The following DOCK4 variants were observed in gnomAD, a reference collection of about 807,000 sequenced individuals.
The protein encoded by DOCK4 is dedicator of cytokinesis protein 4.
In DOCK4, 97 loss-of-function variants were observed where a neutral mutation model predicts 268.1. The ratio of observed to expected loss-of-function variants is 0.36; its 90% CI spans 0.31 to 0.43. The LOEUF is 0.43. Among genes scored for constraint, DOCK4 ranks in the 20% least tolerant of loss-of-function variants. The pLI, the probability that DOCK4 is intolerant of heterozygous loss-of-function variation, is 1.00. For synonymous variants in DOCK4, 954 were observed against 887.2 expected, an observed-to-expected ratio of 1.08 and a Z score of -1.34; for missense variants, 2,145 against 2,455.7, an observed-to-expected ratio of 0.87 and a Z score of 2.67.
chr7:111,821,956 C>T (rs576486553), intron 27 of DOCK4, among the ~76,000 whole-genome samples: 5 of 152,248 alleles, frequency 3.3e-5, no homozygotes, highest in African/African-American at 9.6e-5. Context: ...GGAAAATACA[C>T]AGAAGAATGA....
chr7:112,164,117 T>C (rs531111018), intron 1 of DOCK4, among the ~76,000 whole-genome samples: 2 of 152,048 alleles, frequency 1.3e-5, no homozygotes, highest in African/African-American at 4.8e-5. Flanking sequence ...ACACCATCAC[T>C]ACCAAAAAAA....
chr7:111,735,510 T>C (rs1585820604), intron 50 of DOCK4, among the ~76,000 whole-genome samples: 1 of 152,250 alleles, frequency 6.6e-6, no homozygotes, highest in East Asian at 1.9e-4. Context: ...AACTTGGCTT[T>C]TAGTAGACAT....
At chr7:112,109,831 G>A (rs1350475399) in intron 1 of DOCK4, among the ~76,000 whole-genome samples, 7 of 146,120 alleles carry the variant, frequency 4.8e-5, no homozygotes, top group Admixed American at 1.4e-4. Flanking sequence ...TGCAAGCTCC[G>A]CCTCCCGGGT....
chr7:111,784,320 G>A (rs995699137), intron 32 of DOCK4, 197 bp from the exon 33 acceptor site: 13 of 716,166 alleles, frequency 1.8e-5, no homozygotes, highest in Non-Finnish European at 3.0e-5. Context: ...AGCAAAAACA[G>A]GAGTGCCTCC....
intron 1 of DOCK4, among the ~76,000 whole-genome samples, chr7:112,183,967 C>T (rs374221907): frequency 9.1e-4 from 138 of 152,262 alleles, no homozygotes; most frequent in African/African-American, 3.1e-3. Context: ...CTCCAGGATG[C>T]ACGCACCTGC....
intron 1 of DOCK4, among the ~76,000 whole-genome samples, chr7:112,031,991 C>A (rs1055872332): frequency 1.3e-5 from 2 of 152,154 alleles, no homozygotes; most frequent in African/African-American, 4.8e-5. Flanking sequence ...TAAGACTGGT[C>A]ATTATCTCCA....
At chr7:111,925,856 G>A (rs1443678297) in intron 12 of DOCK4, among the ~76,000 whole-genome samples, 3 of 152,202 alleles carry the variant, frequency 2.0e-5, no homozygotes, top group Non-Finnish European at 4.4e-5. Flanking sequence ...GGGAGGGCAA[G>A]GTGGGCAGAT....
chr7:112,034,574 T>C (rs1046476921), intron 1 of DOCK4, among the ~76,000 whole-genome samples: 4 of 152,222 alleles, frequency 2.6e-5, no homozygotes, highest in Non-Finnish European at 4.4e-5. Flanking sequence ...GAACCACGCA[T>C]GGCTGCATGG....
chr7:112,124,209 C>A (rs1050911959), intron 1 of DOCK4, among the ~76,000 whole-genome samples: 3 of 151,786 alleles, frequency 2.0e-5, no homozygotes, highest in African/African-American at 7.3e-5. Context: ...TTTGTAGAGA[C>A]GAGATCCTGT....
At chr7:111,940,535 T>C (rs149972093) in intron 10 of DOCK4, among the ~76,000 whole-genome samples, 1 of 152,340 alleles carries the variant, frequency 6.6e-6, no homozygotes, top group African/African-American at 2.4e-5. Flanking sequence ...CTGAGATTCA[T>C]GAAGGCATCC....
chr7:112,152,372 T>A (rs188375818), intron 1 of DOCK4, among the ~76,000 whole-genome samples: 7 of 152,290 alleles, frequency 4.6e-5, no homozygotes, highest in Admixed American at 3.9e-4. Context: ...AATGAAATAG[T>A]CATGGTGATG....
intron 10 of DOCK4, among the ~76,000 whole-genome samples, chr7:111,941,440 AG>A (rs1357397655): frequency 1.3e-5 from 2 of 152,170 alleles, no homozygotes; most frequent in African/African-American, 2.4e-5. Context: ...ATGAAAAAAA[AG>A]GTCTCAATTT....
At chr7:111,993,758 T>C (rs1562970078) in intron 5 of DOCK4, among the ~76,000 whole-genome samples, 1 of 152,200 alleles carries the variant, frequency 6.6e-6, no homozygotes, top group Non-Finnish European at 1.5e-5. Flanking sequence ...AAGTCTGTCA[T>C]TTACAGTATA....
At chr7:111,765,305 A>G (rs1051797619) in intron 38 of DOCK4, 83 bp from the exon 39 acceptor site, 10 of 832,178 alleles carry the variant, frequency 1.2e-5, no homozygotes, top group Non-Finnish European at 1.9e-5. Flanking sequence ...TCTTTTTTAC[A>G]TAAAGGAGAA....
chr7:111,769,795 T>C (rs1324049701), intron 36 of DOCK4, 118 bp from the exon 37 acceptor site: 4 of 1,248,352 alleles, frequency 3.2e-6, no homozygotes, highest in Admixed American at 5.2e-5. Flanking sequence ...TTTCGTGATA[T>C]AGCAGAAAAA....
At chr7:111,785,869 C>A (rs1329344359) in intron 32 of DOCK4, among the ~76,000 whole-genome samples, 2 of 152,254 alleles carry the variant, frequency 1.3e-5, no homozygotes, top group Non-Finnish European at 1.5e-5. Context: ...AAATTCCTAA[C>A]CCTGGGAAGC....
intron 27 of DOCK4, among the ~76,000 whole-genome samples, chr7:111,815,240 G>A (rs1440675607): frequency 3.3e-5 from 5 of 152,168 alleles, no homozygotes; most frequent in Non-Finnish European, 7.3e-5. Flanking sequence ...GATCTTAAAA[G>A]GACTATTCAA....
chr7:111,977,700 A>T lies in DOCK4; in HGVS notation c.550-417T>A, dbSNP rs186716866. Among the ~76,000 whole-genome samples, 495 of 152,310 alleles carry T rather than the reference A, an allele frequency of 3.2e-3. 4 individuals carry two copies. Among genetic ancestry groups the T allele is most frequent in the African/African-American group, 0.011 (468 of 41,564 alleles). ...CCAAGATGAGAACAAATTATTAGTC[A>T]TCTTTTTAAAAAGCAGACTAAATTA... On this transcript the variant is annotated intron_variant, in intron 7 of 52. Coordinates refer to ENST00000428084, the MANE Select transcript of DOCK4 (RefSeq NM_001363540.2).
At chr7:111,813,563 C>T (rs758053811) in intron 27 of DOCK4, among the ~76,000 whole-genome samples, 4 of 152,092 alleles carry the variant, frequency 2.6e-5, no homozygotes, top group African/African-American at 7.2e-5. Flanking sequence ...CTGTTACATG[C>T]GTGTGCATTT....
Sources: gnomAD v4.1 joint callset for allele counts (sites outside exome capture counted in the v4.1 genomes callset) on GRCh38, gnomAD v4.1.1 for gene constraint, MANE v1.5 for transcripts, NCBI Gene and HGNC (gene_info 2026-07-23, HGNC 2026-07-21) for gene names.